Variants in DAB1 observed in about 807,000 individuals in gnomAD.
DAB1 encodes disabled homolog 1.
DAB1 carries 15 observed loss-of-function variants against 64.6 expected under a neutral mutation model. The observed-to-expected ratio is 0.23, with a 90% CI of 0.16 to 0.36. The LOEUF (loss-of-function observed/expected upper bound fraction) is 0.36, where lower values mean the gene tolerates loss of function less well. DAB1 is among the 10% of genes least tolerant of loss of function. The probability of loss-of-function intolerance (pLI) is 1.00; values close to 1 mark genes in which losing one functional copy is unlikely to be tolerated. For synonymous variants in DAB1, 235 were observed against 251.9 expected (o/e 0.93, Z 0.64); for missense variants, 596 against 706.7 (o/e 0.84, Z 1.78).
chr1:58,335,034 G>A (rs1286155917), intron 4 of DAB1, among the ~76,000 whole-genome samples: 1 of 152,196 alleles, frequency 6.6e-6, no homozygotes, highest in African/African-American at 2.4e-5. Flanking sequence ...AATATATAAT[G>A]TAAGGTAGAA....
chr1:57,578,472 C>A (rs2101546766), intron 7 of DAB1, among the ~76,000 whole-genome samples: 1 of 152,308 alleles, frequency 6.6e-6, no homozygotes, highest in Non-Finnish European at 1.5e-5. Context: ...GGGCACTGAT[C>A]CAGGCTGGAC....
intron 1 of DAB1, among the ~76,000 whole-genome samples, chr1:57,826,999 T>C (rs1450704255): frequency 6.6e-6 from 1 of 152,276 alleles, no homozygotes; most frequent in Non-Finnish European, 1.5e-5. Context: ...GGTTTCTATT[T>C]GCCTCTCTGG....
chr1:57,873,045 C>T (rs529644106), intron 1 of DAB1, among the ~76,000 whole-genome samples: 1 of 152,114 alleles, frequency 6.6e-6, no homozygotes, highest in East Asian at 1.9e-4. Flanking sequence ...AGTGTTCAGC[C>T]TCCAGATGGA....
intron 3 of DAB1, among the ~76,000 whole-genome samples, chr1:58,453,529 G>C (rs376613056): frequency 6.6e-6 from 1 of 152,102 alleles, no homozygotes; most frequent in Non-Finnish European, 1.5e-5. Flanking sequence ...CCTGCCTCTC[G>C]AAATTCCTCT....
At chr1:58,334,816 AATGAT>A (rs1663071303) in intron 4 of DAB1, among the ~76,000 whole-genome samples, 1 of 151,934 alleles carries the variant, frequency 6.6e-6, no homozygotes, top group Non-Finnish European at 1.5e-5. Flanking sequence ...TGTATTAGTA[AATGAT>A]TGTTCAATGA....
chr1:57,783,204 G>C (rs1347743997), intron 6 of DAB1, among the ~76,000 whole-genome samples: 1 of 145,928 alleles, frequency 6.9e-6, no homozygotes. Flanking sequence ...CGACCTCCCA[G>C]GCTCAAGCAA....
At chr1:57,658,921 A>G (rs1646350971) in intron 6 of DAB1, among the ~76,000 whole-genome samples, 1 of 152,120 alleles carries the variant, frequency 6.6e-6, no homozygotes, top group African/African-American at 2.4e-5. Flanking sequence ...GTGACTTCCA[A>G]TGCTTCTATG....
intron 3 of DAB1, among the ~76,000 whole-genome samples, chr1:58,370,843 A>C (rs1644259162): frequency 6.6e-6 from 1 of 152,170 alleles, no homozygotes; most frequent in African/African-American, 2.4e-5. Context: ...GCTTTGCCTT[A>C]ACTTCCATCA....
At chr1:58,229,217 C>T (rs1355140566) in intron 4 of DAB1, among the ~76,000 whole-genome samples, 2 of 152,180 alleles carry the variant, frequency 1.3e-5, no homozygotes, top group African/African-American at 4.8e-5. Flanking sequence ...CATTCTCCAG[C>T]CTTGGACTCC....
chr1:57,870,732 G>A (rs1386605551), intron 1 of DAB1, among the ~76,000 whole-genome samples: 1 of 152,044 alleles, frequency 6.6e-6, no homozygotes, highest in Non-Finnish European at 1.5e-5. Flanking sequence ...TAAATGATTT[G>A]GACAAAATTT....
intron 1 of DAB1, among the ~76,000 whole-genome samples, chr1:57,379,276 A>C (rs1681168558): frequency 6.6e-6 from 1 of 152,196 alleles, no homozygotes; most frequent in Admixed American, 6.5e-5. Flanking sequence ...ACATTCTTAG[A>C]TAGATGATCT....
intron 4 of DAB1, among the ~76,000 whole-genome samples, chr1:57,090,297 C>G (rs1653526802): frequency 1.3e-5 from 2 of 152,306 alleles, no homozygotes; most frequent in South Asian, 4.2e-4. Context: ...ATGTTTCTTT[C>G]ACCAGTTGCA....
At chr1:58,323,132 C>G (rs1662730430) in intron 4 of DAB1, among the ~76,000 whole-genome samples, 1 of 151,856 alleles carries the variant, frequency 6.6e-6, no homozygotes, top group Non-Finnish European at 1.5e-5. Flanking sequence ...GGAGAAATAC[C>G]TAACGTAAAT....
chr1:57,988,151 T>G, intron 5 of DAB1, among the ~76,000 whole-genome samples: 1 of 152,130 alleles, frequency 6.6e-6, no homozygotes, highest in East Asian at 1.9e-4. Flanking sequence ...ATGCGGCCAT[T>G]GGTTGATTTC....
At chr1:57,017,955 T>A (rs543287176) in intron 11 of DAB1, among the ~76,000 whole-genome samples, 1 of 152,252 alleles carries the variant, frequency 6.6e-6, no homozygotes, top group African/African-American at 2.4e-5. Context: ...GTGTTTCGGT[T>A]GTCACAAGAG....
chr1:57,025,162 C>T (rs990765268), intron 10 of DAB1, among the ~76,000 whole-genome samples: 5 of 152,228 alleles, frequency 3.3e-5, no homozygotes, highest in Admixed American at 3.3e-4. Flanking sequence ...TGCCCTCCTC[C>T]GGGAATGGGC....
At chr1:57,314,762 AAC>A (rs1675046213) in intron 1 of DAB1, among the ~76,000 whole-genome samples, 1 of 151,600 alleles carries the variant, frequency 6.6e-6, no homozygotes, top group Admixed American at 6.6e-5. Context: ...AGAAAAAAAA[AAC>A]ACAAAACACA....
chr1:57,806,543 T>C (rs1456615700), intron 6 of DAB1, among the ~76,000 whole-genome samples: 1 of 152,206 alleles, frequency 6.6e-6, no homozygotes, highest in Non-Finnish European at 1.5e-5. Context: ...CTCTCCTCAC[T>C]GCCCTCAAAA....
At chr1:57,453,686 C>G (rs1327409865) in intron 7 of DAB1, among the ~76,000 whole-genome samples, 1 of 152,088 alleles carries the variant, frequency 6.6e-6, no homozygotes, top group East Asian at 1.9e-4. Flanking sequence ...TTTGTTAATT[C>G]AACCATAAAT....
Sources: allele counts gnomAD v4.1 joint callset (sites outside exome capture counted in the v4.1 genomes callset), GRCh38; gene constraint gnomAD v4.1.1; transcripts MANE v1.5; gene names NCBI Gene and HGNC (gene_info 2026-07-23, HGNC 2026-07-21).